CUBN: variants seen among roughly 807,000 people sequenced by gnomAD.
CUBN encodes 460 kDa receptor.
In CUBN, 282 loss-of-function variants were observed where a neutral mutation model predicts 405.3. The ratio of observed to expected loss-of-function variants is 0.70; its 90% CI spans 0.63 to 0.77. The LOEUF is 0.77. Among genes scored for constraint, CUBN ranks in the 30% least tolerant of loss-of-function variants. The probability of loss-of-function intolerance (pLI) is 0.00; values close to 1 mark genes in which losing one functional copy is unlikely to be tolerated. For synonymous variants in CUBN, 1,684 were observed against 1,617.0 expected (o/e 1.04, Z -0.99); for missense variants, 4,514 against 4,475.2 (o/e 1.01, Z -0.25).
Position 16,937,778 on chromosome 10 carries a change from C to A in CUBN, c.5740G>T (p.Asp1914Tyr). The A allele has an allele frequency of 6.2e-7, 1 of 1,613,750 alleles. No homozygotes were observed. ...AGGCGGGCGTGAATGCTAGGCCCAT[C>A]ATAGATCTGTACATAAAAACAGATA... ...NCYYDKLRIY[D>Y]GPSIHARLIG... Residue 1914 changes from aspartate to tyrosine, a missense_variant, in exon 39 of 67, where the codon GAT becomes TAT. Transcript: ENST00000377833.
In CUBN at chr10:17,106,335, A is replaced by G. The variant is rs920291721; in HGVS notation, c.1112-760T>C. ...AATAATAATACTAATAAAGAGCCCT[A>G]TGGAATCTGTAATCCCTGAACTTTG... On this transcript the variant is annotated intron_variant, in intron 10 of 66. Coordinates refer to ENST00000377833, the MANE Select transcript of CUBN (RefSeq NM_001081.4). Among the ~76,000 whole-genome samples, 5 of 149,092 alleles carry G rather than the reference A, an allele frequency of 3.4e-5. 1 individual carries two copies. Among genetic ancestry groups the G allele is most frequent in the South Asian group, 4.2e-4 (2 of 4,746 alleles).
Position 17,047,462 on chromosome 10 carries a change from G to C in CUBN, c.3281C>G (p.Ser1094Cys), listed in dbSNP as rs1411474631. 1 of 1,614,016 alleles carries C rather than the reference G, an allele frequency of 6.2e-7. No homozygotes were observed. Among genetic ancestry groups the C allele is most frequent in the Non-Finnish European group, 8.5e-7 (1 of 1,179,946 alleles). The change falls in exon 23 of 67, where the codon TCC becomes TGC. Residue 1094 changes from serine (S) to cysteine (C), a missense_variant. Physicochemically the swap from Ser to Cys is moderately radical, Grantham distance 112. Transcript: ENST00000377833. ...ATAGTTTCCAATGGCTTCCTCCAAG[G>C]AGAAGTTTGTGAAGTGCACTGCAAT... ...QLIAVHFTNF[S>C]LEEAIGNYYT...
At chr10:17,089,919 T>A (rs1475521474) in intron 14 of CUBN, among the ~76,000 whole-genome samples, 76 of 152,090 alleles carry the variant, frequency 5.0e-4, no homozygotes, top group Admixed American at 5.0e-3. Context: ...GAGCCCAGTT[T>A]AAGAACGGCC....
At chr10:16,862,595 G>A (rs1179060647) in intron 59 of CUBN, among the ~76,000 whole-genome samples, 2 of 152,120 alleles carry the variant, frequency 1.3e-5, no homozygotes, top group African/African-American at 4.8e-5. Flanking sequence ...GAAGAACACG[G>A]TCCCACTATT....
chr10:16,893,867 C>T (rs551809376), intron 54 of CUBN, among the ~76,000 whole-genome samples: 5 of 152,216 alleles, frequency 3.3e-5, no homozygotes, highest in Middle Eastern at 6.8e-3. Flanking sequence ...TCATTTCTCT[C>T]GGATAAATGC....
intron 36 of CUBN, among the ~76,000 whole-genome samples, 169 bp downstream of exon 36, chr10:16,947,066 G>A (rs1031309325): frequency 1.3e-5 from 2 of 152,182 alleles, no homozygotes; most frequent in African/African-American, 4.8e-5. Flanking sequence ...CCATGGTCGA[G>A]AGAAACTTCA....
intron 23 of CUBN, among the ~76,000 whole-genome samples, chr10:17,046,726 C>T (rs1412909864): frequency 6.6e-6 from 1 of 151,976 alleles, no homozygotes; most frequent in African/African-American, 2.4e-5. Flanking sequence ...TATTTTAATA[C>T]CTTACTTTAT....
At chr10:17,089,688 T>C (rs543828963) in intron 14 of CUBN, among the ~76,000 whole-genome samples, 1 of 152,164 alleles carries the variant, frequency 6.6e-6, no homozygotes, top group Non-Finnish European at 1.5e-5. Flanking sequence ...AATATAGCAA[T>C]ACCTAGCAAA....
Position 16,948,517 on chromosome 10 carries a change from C to T in CUBN, c.5170G>A (p.Ala1724Thr), listed in dbSNP as rs985708107. Residue 1724 changes from alanine (A) to threonine (T), a missense_variant, in exon 35 of 67, where the codon GCT becomes ACT. Ala to Thr is a moderately conservative substitution (Grantham distance 58, BLOSUM62 0). Transcript: ENST00000377833. ...LRFVSDSSIS[A>T]GGFHTTVTAS... is the part of the protein sequence containing the mutation. The stretch of plus-strand genomic sequence containing the variant: ...GTGACCGTGGTGTGGAAACCCCCAG[C>T]ACTGATGCTAGAATCAGAGACGAAT... 6.2e-7 allele frequency: 1 copy of T among 1,614,062 alleles called. No homozygotes were observed. The highest frequency in any genetic ancestry group is 1.7e-5 in the Admixed American group (1 of 60,018).
chr10:16,892,146 T>C (rs1053191972), intron 54 of CUBN, among the ~76,000 whole-genome samples: 1 of 152,204 alleles, frequency 6.6e-6, no homozygotes, highest in African/African-American at 2.4e-5. Context: ...TAGCATTGGT[T>C]TAATAATTCT....
At chr10:17,048,461 C>A (rs774327413) in intron 22 of CUBN, among the ~76,000 whole-genome samples, 2 of 151,924 alleles carry the variant, frequency 1.3e-5, no homozygotes, top group East Asian at 3.9e-4. Flanking sequence ...CAAAGAAAAT[C>A]TGGTTTGAAT....
chr10:16,967,618 A>G (rs1163031073), intron 31 of CUBN, among the ~76,000 whole-genome samples: 1 of 152,124 alleles, frequency 6.6e-6, no homozygotes, highest in Non-Finnish European at 1.5e-5. Context: ...ATCCTCAAGT[A>G]TCAGATGGAA....
rs778378872 is a variant in CUBN at position 16,874,358 on chromosome 10, A to G, written c.9236+16T>C. 4 of 1,613,872 alleles carry G rather than the reference A, an allele frequency of 2.5e-6. No homozygotes were observed. The highest frequency in any genetic ancestry group is 2.7e-5 in the African/African-American group (2 of 74,916). ...CTGAAAGGATTTTCTTAAGAAAGCC[A>G]ATTTGTCTTACGTACTTGAGCTCGA... On this transcript the variant is annotated intron_variant, in intron 58 of 66. Transcript: ENST00000377833.
In CUBN at chr10:16,915,050, A is replaced by G; in HGVS notation, c.7333T>C (p.Phe2445Leu). The change falls in exon 47 of 67, where the codon TTT becomes CTT. Residue 2445 changes from phenylalanine to leucine, a missense_variant. Phe to Leu is a conservative substitution (Grantham distance 22, BLOSUM62 0). This residue lies in a region of CUBN where 1,613 missense variants were observed against 1,542.8 expected (regional missense o/e 1.05). Transcript: ENST00000377833. The stretch of plus-strand genomic sequence containing the variant: ...AACTCACCTTCCATACTGGATTCAA[A>G]TCGCAGTCTGAATCCTGAGGCAGTC... ...SVTASGFRLRFESSMEECGGD... is the reference protein window; with the variant it reads ...SVTASGFRLRLESSMEECGGD... 6.2e-7 allele frequency: 1 copy of G among 1,614,054 alleles called. No homozygotes were observed. The highest frequency in any genetic ancestry group is 8.5e-7 in the Non-Finnish European group (1 of 1,180,012).
At position 17,099,965 on chromosome 10, in the gene CUBN, T is replaced by C. The variant is rs377270603; in HGVS notation, c.1765+40A>G. On this transcript the variant is annotated intron_variant, in intron 14 of 66. Coordinates refer to ENST00000377833, the MANE Select transcript of CUBN (RefSeq NM_001081.4). ...CACTGATTAAGAACACTTAATAACC[T>C]CAAAATTTTGCTTGCTTTTTTCTCC... 4.7e-5 allele frequency: 68 copies of C among 1,439,442 alleles called. No individual in the cohort carries two copies. The African/African-American group carries it at 7.6e-4, about 16-fold the overall frequency. The allele number at this position is 1,439,442 out of a possible 1,614,324, so 89.2% of individuals were successfully genotyped here.
At chr10:16,910,539 C>A (rs967907651) in intron 48 of CUBN, among the ~76,000 whole-genome samples, 1 of 152,022 alleles carries the variant, frequency 6.6e-6, no homozygotes, top group African/African-American at 2.4e-5. Flanking sequence ...TGTAGGTTTG[C>A]AGGTTTTGCT....
In CUBN at chr10:17,129,104, T is replaced by A. The variant is rs1837263207; in HGVS notation, c.252+17A>T. 1.2e-6 allele frequency: 2 copies of A among 1,603,938 alleles called. No homozygotes were observed. Among genetic ancestry groups the A allele is most frequent in the Non-Finnish European group, 1.7e-6 (2 of 1,171,136 alleles). On this transcript the variant is annotated intron_variant, in intron 2 of 66. Coordinates refer to ENST00000377833, the MANE Select transcript of CUBN (RefSeq NM_001081.4). The stretch of plus-strand genomic sequence containing the variant: ...ATGGATATACAAAATGACTTCAATA[T>A]ATTTCCAGTGTATTACCTGATGTAA...
At chr10:16,918,319 T>C (rs1841943555) in intron 45 of CUBN, among the ~76,000 whole-genome samples, 1 of 152,188 alleles carries the variant, frequency 6.6e-6, no homozygotes, top group Admixed American at 6.5e-5. Flanking sequence ...TTTTTTCTAG[T>C]TCTGCAAAGA....
At chr10:16,951,278 G>T (rs1392301782) in intron 33 of CUBN, among the ~76,000 whole-genome samples, 1 of 152,118 alleles carries the variant, frequency 6.6e-6, no homozygotes, top group Non-Finnish European at 1.5e-5. Flanking sequence ...TGACATCATC[G>T]GCTGCCACAT....
Sources: gnomAD v4.1 joint callset for allele counts (sites outside exome capture counted in the v4.1 genomes callset) on GRCh38, gnomAD v4.1.1 for gene constraint, gnomAD v4.1.1 regional missense constraint, MANE v1.5 for transcripts, NCBI Gene and HGNC (gene_info 2026-07-23, HGNC 2026-07-21) for gene names.